The following CSGALNACT1 variants were observed in gnomAD, a reference collection of about 807,000 sequenced individuals.
CSGALNACT1 encodes chondroitin sulfate N-acetylgalactosaminyltransferase 1, also known as beta4GalNAcT-1.
CSGALNACT1 carries 52 observed loss-of-function variants against 51.0 expected under a neutral mutation model. That is an observed-to-expected ratio of 1.02 (90% CI 0.82 to 1.29). CSGALNACT1 has a LOEUF of 1.29. Ranked by LOEUF, CSGALNACT1 falls within the 50% of genes most tolerant of loss-of-function variation. The pLI is 0.00. For missense variants in CSGALNACT1, 935 were observed against 679.2 expected, an observed-to-expected ratio of 1.38 and a Z score of -4.19; for synonymous variants, 341 against 254.4, an observed-to-expected ratio of 1.34 and a Z score of -3.24.
chr8:19,627,150 A>G (rs368376009), intron 1 of CSGALNACT1, among the ~76,000 whole-genome samples: 2 of 152,324 alleles, frequency 1.3e-5, no homozygotes, highest in South Asian at 2.1e-4. Flanking sequence ...CACCAACCCA[A>G]ATGTCTTTCA....
intron 3 of CSGALNACT1, among the ~76,000 whole-genome samples, chr8:19,576,012 G>A (rs2044120940): frequency 6.6e-6 from 1 of 152,078 alleles, no homozygotes; most frequent in African/African-American, 2.4e-5. Context: ...CCAAGCAGGT[G>A]GTCTAATGGC....
chr8:19,707,790 C>G (rs1462605400), intron 1 of CSGALNACT1, among the ~76,000 whole-genome samples: 1 of 152,092 alleles, frequency 6.6e-6, no homozygotes, highest in Admixed American at 6.5e-5. Flanking sequence ...CACTTGAGGT[C>G]AGGAGATCGA....
At chr8:19,413,460 G>A (rs768646037) in intron 8 of CSGALNACT1, among the ~76,000 whole-genome samples, 11 of 152,078 alleles carry the variant, frequency 7.2e-5, no homozygotes, top group African/African-American at 9.7e-5. Context: ...CGTGGGCACC[G>A]GACTGGCTTC....
At chr8:19,751,997 A>G (rs982272748) in intron 1 of CSGALNACT1, among the ~76,000 whole-genome samples, 2 of 150,346 alleles carry the variant, frequency 1.3e-5, no homozygotes, top group Non-Finnish European at 1.5e-5. Flanking sequence ...TTTATATTAC[A>G]TAACATTTTT....
chr8:19,467,653 A>G (rs553765749), intron 4 of CSGALNACT1, among the ~76,000 whole-genome samples: 5 of 151,610 alleles, frequency 3.3e-5, no homozygotes, highest in Admixed American at 3.3e-4. Flanking sequence ...TTTTTTTCGC[A>G]TGGCTAATAT....
intron 4 of CSGALNACT1, among the ~76,000 whole-genome samples, chr8:19,491,686 G>A (rs897183972): frequency 9.2e-5 from 14 of 152,112 alleles, no homozygotes; most frequent in African/African-American, 3.4e-4. Context: ...TTAAGTTTCA[G>A]CAAGAATTTA....
chr8:19,469,108 C>T (rs969774159), intron 4 of CSGALNACT1, among the ~76,000 whole-genome samples: 5 of 152,116 alleles, frequency 3.3e-5, no homozygotes, highest in African/African-American at 1.2e-4. Context: ...TGGCCCACTG[C>T]CCTGAGTGCG....
chr8:19,575,698 C>T (rs6586843), intron 3 of CSGALNACT1, among the ~76,000 whole-genome samples: 128,017 of 152,212 alleles, frequency 0.84, 53,960 homozygotes, highest in East Asian at 1. Context: ...AAAATGTTTT[C>T]ATCTGTTAGA....
rs892048760 is a variant in CSGALNACT1 at position 19,592,761 on chromosome 8, C to A, written c.-415-1483G>T. Among the ~76,000 whole-genome samples, 4 of 152,060 alleles carry A rather than the reference C, an allele frequency of 2.6e-5. No individual in the cohort carries two copies. The South Asian group carries it at 8.3e-4, about 32-fold the overall frequency. On this transcript the variant is annotated intron_variant, in intron 2 of 9. Coordinates refer to ENST00000454498, the Ensembl canonical transcript of CSGALNACT1. Reference sequence around the variant, plus strand: ...CTCTGGCCTGGGGGACAAAGACAGACCCTGTCTCTAATGAAAAAAAAATTT... The same window carrying A: ...CTCTGGCCTGGGGGACAAAGACAGAACCTGTCTCTAATGAAAAAAAAATTT...
chr8:19,469,486 G>A (rs932154527), intron 4 of CSGALNACT1, among the ~76,000 whole-genome samples: 6 of 152,166 alleles, frequency 3.9e-5, no homozygotes, highest in African/African-American at 9.7e-5. Context: ...AAGTTTCAGG[G>A]GTGTAAGACA....
intron 8 of CSGALNACT1, among the ~76,000 whole-genome samples, chr8:19,409,163 C>G (rs1234430257): frequency 6.6e-6 from 1 of 152,198 alleles, no homozygotes; most frequent in African/African-American, 2.4e-5. Flanking sequence ...CAGAATTCAG[C>G]TGCCCTGGCA....
At chr8:19,709,618 C>T (rs371241684) in intron 1 of CSGALNACT1, among the ~76,000 whole-genome samples, 14 of 152,192 alleles carry the variant, frequency 9.2e-5, no homozygotes, top group African/African-American at 3.4e-4. Context: ...ACTTCTGGAA[C>T]CTAGAGGAAG....
chr8:19,736,230 G>A (rs2063962845), intron 1 of CSGALNACT1, among the ~76,000 whole-genome samples: 2 of 152,092 alleles, frequency 1.3e-5, no homozygotes, highest in African/African-American at 4.8e-5. Context: ...TAGCCCGCTT[G>A]TTTTTATAAA....
chr8:19,595,934 G>A (rs1377541577), intron 2 of CSGALNACT1, among the ~76,000 whole-genome samples: 1 of 148,096 alleles, frequency 6.8e-6, no homozygotes, highest in Non-Finnish European at 1.5e-5. Context: ...TGTGATCTCA[G>A]CTCACTACAG....
At chr8:19,587,384 G>A (rs931707978) in intron 3 of CSGALNACT1, among the ~76,000 whole-genome samples, 3 of 152,186 alleles carry the variant, frequency 2.0e-5, no homozygotes, top group Admixed American at 1.3e-4. Flanking sequence ...AGGCTACTGG[G>A]TGAGGCCATT....
chr8:19,584,539 T>C (rs532516739), intron 3 of CSGALNACT1, among the ~76,000 whole-genome samples: 4 of 152,352 alleles, frequency 2.6e-5, no homozygotes, highest in African/African-American at 7.2e-5. Flanking sequence ...GGATACTGTT[T>C]ATGCCATTAT....
At chr8:19,704,651 A>G (rs2062059033) in intron 1 of CSGALNACT1, among the ~76,000 whole-genome samples, 1 of 152,208 alleles carries the variant, frequency 6.6e-6, no homozygotes, top group Non-Finnish European at 1.5e-5. Flanking sequence ...TCACAATAAG[A>G]TATGGAAACA....
chr8:19,675,578 C>T (rs1401090629), intron 1 of CSGALNACT1, among the ~76,000 whole-genome samples: 1 of 152,098 alleles, frequency 6.6e-6, no homozygotes, highest in Admixed American at 6.5e-5. Flanking sequence ...CTATCACCTC[C>T]GCCTCCTGAG....
intron 3 of CSGALNACT1, among the ~76,000 whole-genome samples, chr8:19,512,882 T>C (rs779355868): frequency 1.3e-4 from 20 of 152,082 alleles, no homozygotes; most frequent in Non-Finnish European, 2.4e-4. Context: ...GAAACCAGAG[T>C]CAACAATGGT....
Sources: gnomAD v4.1 joint callset for allele counts (sites outside exome capture counted in the v4.1 genomes callset) on GRCh38, gnomAD v4.1.1 for gene constraint, MANE v1.5 for transcripts, NCBI Gene and HGNC (gene_info 2026-07-23, HGNC 2026-07-21) for gene names.